KCNIP4: variants seen among roughly 807,000 people sequenced by gnomAD.
KCNIP4 encodes Kv channel-interacting protein 4.
KCNIP4 carries 12 observed loss-of-function variants against 34.0 expected under a neutral mutation model. The observed-to-expected ratio is 0.35, with a 90% CI of 0.23 to 0.57. The LOEUF is 0.57. Ranked by LOEUF, KCNIP4 falls within the 20% of genes least tolerant of loss-of-function variation. The pLI is 0.83. For synonymous variants in KCNIP4, 124 were observed against 102.2 expected, an observed-to-expected ratio of 1.21 and a Z score of -1.29; for missense variants, 238 against 311.7, an observed-to-expected ratio of 0.76 and a Z score of 1.78.
intron 1 of KCNIP4, among the ~76,000 whole-genome samples, chr4:21,409,433 C>T (rs562238810): frequency 7.2e-5 from 11 of 151,924 alleles, no homozygotes; most frequent in Non-Finnish European, 1.5e-4. Context: ...TGTGGATCCG[C>T]TTTTCTGAAC....
intron 1 of KCNIP4, among the ~76,000 whole-genome samples, chr4:21,146,584 G>A (rs1387762697): frequency 6.6e-6 from 1 of 152,160 alleles, no homozygotes; most frequent in Non-Finnish European, 1.5e-5. Flanking sequence ...GTCACTTTAT[G>A]TCACAGTCAT....
chr4:21,790,135 C>T (rs1720179386), intron 1 of KCNIP4, among the ~76,000 whole-genome samples: 2 of 152,118 alleles, frequency 1.3e-5, no homozygotes, highest in South Asian at 4.1e-4. Flanking sequence ...CCACATACTG[C>T]TTGCGTGAGT....
At chr4:20,910,316 AG>A (rs748156167) in intron 1 of KCNIP4, among the ~76,000 whole-genome samples, 1 of 151,602 alleles carries the variant, frequency 6.6e-6, no homozygotes, top group Non-Finnish European at 1.5e-5. Context: ...TGTTACTTGA[AG>A]GGGAGGAAGC....
At chr4:21,686,771 G>A (rs370611631) in intron 1 of KCNIP4, among the ~76,000 whole-genome samples, 6 of 152,280 alleles carry the variant, frequency 3.9e-5, no homozygotes, top group African/African-American at 1.4e-4. Flanking sequence ...AAGTAGCCAA[G>A]ATCAGAAGTG....
In KCNIP4 at chr4:21,303,739, C is replaced by T. The variant is rs900945949; in HGVS notation, c.62-421030G>A. ...CTGATCTCATTTCAGGTGCCTCTTACATTCACCTAAGACATTTTCATTGCA... is the reference window on the plus strand; with the variant it reads ...CTGATCTCATTTCAGGTGCCTCTTATATTCACCTAAGACATTTTCATTGCA... On this transcript the variant is annotated intron_variant, in intron 1 of 8. Coordinates refer to ENST00000382152, the MANE Select transcript of KCNIP4 (RefSeq NM_025221.6). 10 of 1,279,188 alleles carry T rather than the reference C, an allele frequency of 7.8e-6. No homozygotes were observed. In the African/African-American group the frequency reaches 1.0e-4, roughly 13 times the overall value. 79.2% of individuals were successfully genotyped at this position (1,279,188 alleles called of 1,614,324 possible).
At chr4:20,810,662 T>C (rs1386186766) in intron 3 of KCNIP4, among the ~76,000 whole-genome samples, 1 of 152,164 alleles carries the variant, frequency 6.6e-6, no homozygotes, top group Non-Finnish European at 1.5e-5. Flanking sequence ...ATATACATGG[T>C]CACCAAGATG....
intron 1 of KCNIP4, among the ~76,000 whole-genome samples, chr4:21,192,854 G>C (rs1306215572): frequency 6.6e-6 from 1 of 151,136 alleles, no homozygotes; most frequent in African/African-American, 2.4e-5. Context: ...CCAGGGGTTT[G>C]AGACCAACTT....
intron 3 of KCNIP4, among the ~76,000 whole-genome samples, chr4:20,837,662 C>CTATATA (rs36015537): frequency 2.9e-5 from 4 of 138,076 alleles, no homozygotes; most frequent in African/African-American, 1.1e-4. Context: ...GTTGTCAGTG[C>CTATATA]TATATATATA....
chr4:21,089,370 G>A (rs1211993284), intron 1 of KCNIP4, among the ~76,000 whole-genome samples: 1 of 152,124 alleles, frequency 6.6e-6, no homozygotes, highest in Non-Finnish European at 1.5e-5. Context: ...TAAATTTCCT[G>A]AGGCCTCCAC....
intron 1 of KCNIP4, among the ~76,000 whole-genome samples, chr4:21,155,466 C>T (rs187740440): frequency 3.3e-5 from 5 of 152,226 alleles, no homozygotes; most frequent in African/African-American, 1.2e-4. Context: ...TATGGAAAGA[C>T]GTTTTGATAA....
chr4:21,514,649 G>A (rs1230870280), intron 1 of KCNIP4, among the ~76,000 whole-genome samples: 1 of 151,804 alleles, frequency 6.6e-6, no homozygotes, highest in East Asian at 1.9e-4. Flanking sequence ...GAAGAAACAA[G>A]ATAAAAATAA....
At chr4:21,656,426 T>C (rs1026145440) in intron 1 of KCNIP4, 2 of 152,224 alleles carry the variant, frequency 1.3e-5, no homozygotes, top group African/African-American at 4.8e-5. Flanking sequence ...AACATGTGAA[T>C]TTAGGAGTGC....
At chr4:20,964,479 A>T (rs1218135212) in intron 1 of KCNIP4, among the ~76,000 whole-genome samples, 2 of 152,222 alleles carry the variant, frequency 1.3e-5, no homozygotes, top group Non-Finnish European at 2.9e-5. Flanking sequence ...CATTCAAAGA[A>T]AGTGCACTTC....
chr4:21,348,807 C>T (rs1717717526), intron 1 of KCNIP4, among the ~76,000 whole-genome samples: 2 of 152,070 alleles, frequency 1.3e-5, no homozygotes, highest in South Asian at 4.2e-4. Flanking sequence ...TGCTAGGAGC[C>T]AAAATAATTG....
chr4:20,908,057 G>A (rs1355587502), intron 1 of KCNIP4, among the ~76,000 whole-genome samples: 4 of 147,892 alleles, frequency 2.7e-5, no homozygotes, highest in African/African-American at 1.0e-4. Flanking sequence ...CAAATTTCAT[G>A]TACCTGTCCT....
chr4:21,530,387 T>G (rs1405005561), intron 1 of KCNIP4, among the ~76,000 whole-genome samples: 2 of 152,180 alleles, frequency 1.3e-5, no homozygotes, highest in Non-Finnish European at 2.9e-5. Context: ...TACAATTCAG[T>G]TTGGTGAGTA....
intron 1 of KCNIP4, among the ~76,000 whole-genome samples, chr4:21,727,517 C>A (rs1002167177): frequency 1.3e-5 from 2 of 152,098 alleles, no homozygotes; most frequent in Non-Finnish European, 2.9e-5. Flanking sequence ...CAGACCAAGA[C>A]AATACCCTAC....
chr4:20,868,331 A>G (rs1723079181), intron 2 of KCNIP4, among the ~76,000 whole-genome samples: 1 of 152,144 alleles, frequency 6.6e-6, no homozygotes, highest in Admixed American at 6.6e-5. Context: ...CTATTATTAG[A>G]AAGTCCAAAA....
intron 1 of KCNIP4, among the ~76,000 whole-genome samples, chr4:21,676,389 G>T (rs541434217): frequency 6.6e-6 from 1 of 152,138 alleles, no homozygotes; most frequent in South Asian, 2.1e-4. Flanking sequence ...GTCAAAAGAC[G>T]ACTCTTCCCT....
Sources: allele counts gnomAD v4.1 joint callset (sites outside exome capture counted in the v4.1 genomes callset), GRCh38; gene constraint gnomAD v4.1.1; transcripts MANE v1.5; gene names NCBI Gene and HGNC (gene_info 2026-07-23, HGNC 2026-07-21).